PAN3: variants seen among roughly 807,000 people sequenced by gnomAD.
The protein encoded by PAN3 is PAN2-PAN3 deadenylation complex subunit PAN3.
Under a neutral mutation model 96.2 loss-of-function variants are expected in PAN3, and 19 were observed. The observed-to-expected ratio is 0.20, with a 90% CI of 0.14 to 0.29. PAN3 has a LOEUF of 0.29. PAN3 is among the 10% of genes least tolerant of loss of function. The probability of loss-of-function intolerance (pLI) is 1.00; values close to 1 mark genes in which losing one functional copy is unlikely to be tolerated. For missense variants in PAN3, 882 were observed against 1,108.1 expected, an observed-to-expected ratio of 0.80 and a Z score of 2.90; for synonymous variants, 433 against 406.6, an observed-to-expected ratio of 1.06 and a Z score of -0.78.
intron 4 of PAN3, among the ~76,000 whole-genome samples, chr13:28,191,501 G>T (rs866614934): frequency 6.6e-6 from 1 of 152,140 alleles, no homozygotes; most frequent in African/African-American, 2.4e-5. Context: ...GGATAGAGAT[G>T]CTGCTAAACA....
intron 6 of PAN3, among the ~76,000 whole-genome samples, chr13:28,248,206 T>G (rs950600342): frequency 1.6e-4 from 25 of 152,202 alleles, no homozygotes; most frequent in African/African-American, 5.8e-4. Flanking sequence ...TTTCTTGATT[T>G]CTTCTTCAGG....
intron 6 of PAN3, among the ~76,000 whole-genome samples, chr13:28,246,163 T>A (rs1156884827): frequency 2.0e-5 from 3 of 152,064 alleles, no homozygotes; most frequent in African/African-American, 7.2e-5. Context: ...TTTTGAGGAG[T>A]TTTCCATGTG....
At position 28,281,399 on chromosome 13, in the gene PAN3, T is replaced by C; in HGVS notation, c.2384+20T>C. 3.2e-6 allele frequency: 5 copies of C among 1,583,114 alleles called. No homozygotes were observed. The highest frequency in any genetic ancestry group is 4.3e-6 in the Non-Finnish European group (5 of 1,154,288). Reference sequence around the variant, plus strand: ...GCCGGAGTAAGGATTTACAGTATTTTACAATATATTTTTAATCGAGAGCAC... The same window carrying C: ...GCCGGAGTAAGGATTTACAGTATTTCACAATATATTTTTAATCGAGAGCAC... On this transcript the variant is annotated intron_variant, in intron 17 of 18. Coordinates refer to ENST00000380958, the MANE Select transcript of PAN3 (RefSeq NM_175854.8).
chr13:28,256,916 C>T (rs1371416297), intron 7 of PAN3, among the ~76,000 whole-genome samples: 2 of 152,156 alleles, frequency 1.3e-5, no homozygotes, highest in Non-Finnish European at 2.9e-5. Flanking sequence ...ATGGTATGTC[C>T]TCAGTAGTTA....
Position 28,139,514 on chromosome 13 carries a change from TTGTGTGTGTGTG to T in PAN3, c.430+453_430+464del, listed in dbSNP as rs10577740. On this transcript the variant is annotated intron_variant, in intron 1 of 18. Transcript: ENST00000380958. ...GGTTCCCTAGTGGGGAGGGGTGTGT[TTGTGTGTGTGTG>T]TGTGTGTGTGTGTGTGTGTGTGTGT... 3.7e-4 allele frequency among the ~76,000 whole-genome samples: 34 copies of T among 93,100 alleles called. 1 individual carries two copies. The highest frequency in any genetic ancestry group is 2.1e-3 in the South Asian group (5 of 2,436). The allele number at this position is 93,100 out of a possible 152,430, so 61.1% of individuals were successfully genotyped here. A position where few individuals can be genotyped will look rare whatever the true frequency, so the allele number is the denominator to read the frequency against.
chr13:28,269,641 C>A (rs1308688522), intron 12 of PAN3, among the ~76,000 whole-genome samples: 1 of 152,100 alleles, frequency 6.6e-6, no homozygotes, highest in Non-Finnish European at 1.5e-5. Flanking sequence ...TTCCTTATTA[C>A]TACATTAATT....
intron 1 of PAN3, among the ~76,000 whole-genome samples, chr13:28,157,020 G>C (rs1363314911): frequency 4.3e-5 from 4 of 92,440 alleles, no homozygotes; most frequent in African/African-American, 4.5e-5. Context: ...AAAAAAAAAA[G>C]CTAAATCACC....
intron 5 of PAN3, chr13:28,215,047 T>C: frequency 9.0e-7 from 1 of 1,107,512 alleles, no homozygotes; most frequent in Non-Finnish European, 1.4e-6. Flanking sequence ...AGCACTTATA[T>C]TAATAAAATT....
intron 4 of PAN3, among the ~76,000 whole-genome samples, chr13:28,179,093 A>G (rs1227029755): frequency 6.6e-6 from 1 of 152,258 alleles, no homozygotes. Context: ...AATGCTTTTT[A>G]GCAACTAGAA....
At chr13:28,214,945 G>C (rs773516311) in intron 5 of PAN3, 1 of 1,368,168 alleles carries the variant, frequency 7.3e-7, no homozygotes, top group East Asian at 2.3e-5. Flanking sequence ...TACACACTGG[G>C]TGTGAAACAA....
chr13:28,190,118 A>AT (rs1877052084), intron 4 of PAN3, among the ~76,000 whole-genome samples: 1 of 151,908 alleles, frequency 6.6e-6, no homozygotes, highest in South Asian at 2.1e-4. Context: ...TAATTTTTGT[A>AT]TTTTTTGGTA....
intron 14 of PAN3, among the ~76,000 whole-genome samples, chr13:28,275,790 A>G (rs976329023): frequency 1.3e-5 from 2 of 152,140 alleles, no homozygotes; most frequent in Admixed American, 6.6e-5. Flanking sequence ...CTCTATCACC[A>G]GTGAAGTTTT....
intron 1 of PAN3, among the ~76,000 whole-genome samples, chr13:28,163,622 A>C (rs1487529124): frequency 4.6e-5 from 7 of 152,180 alleles, no homozygotes; most frequent in African/African-American, 1.7e-4. Context: ...GTGTAACTCC[A>C]AGTATTTTTT....
chr13:28,156,965 A>T (rs1872247740), intron 1 of PAN3, among the ~76,000 whole-genome samples: 1 of 144,982 alleles, frequency 6.9e-6, no homozygotes, highest in African/African-American at 2.6e-5. Flanking sequence ...ATGGTACTCC[A>T]ACCTGGGCAA....
At chr13:28,272,113 T>C (rs1314228555) in intron 14 of PAN3, 42 bp downstream of exon 14, 3 of 1,359,962 alleles carry the variant, frequency 2.2e-6, no homozygotes, top group Non-Finnish European at 3.1e-6. Context: ...TTTTCCTTTA[T>C]TAAAGACAAA....
At chr13:28,144,245 C>T (rs1278155495) in intron 1 of PAN3, among the ~76,000 whole-genome samples, 7 of 118,296 alleles carry the variant, frequency 5.9e-5, no homozygotes, top group African/African-American at 1.9e-4. Flanking sequence ...GATATGGAGT[C>T]TCGCTCTGTC....
Position 28,256,409 on chromosome 13 carries a change from C to T in PAN3, c.1118C>T (p.Ser373Phe). ...TPNPASYMVP[S>F]SASTSVNNPV... ...AATCCAGCAAGTTACATGGTGCCTT[C>T]TAGTGCCTCTACATCTGTTAATAAT... The change falls in exon 7 of 19, where the codon TCT becomes TTT. Residue 373 changes from serine to phenylalanine, a missense_variant. Physicochemically the swap from Ser to Phe is radical, Grantham distance 155 (BLOSUM62 -2). Coordinates refer to ENST00000380958, the MANE Select transcript of PAN3 (RefSeq NM_175854.8). The T allele has an allele frequency of 6.2e-7, 1 of 1,614,124 alleles. No individual in the cohort carries two copies. Among genetic ancestry groups the T allele is most frequent in the Non-Finnish European group, 8.5e-7 (1 of 1,179,976 alleles).
At chr13:28,205,577 C>T (rs542203786) in intron 5 of PAN3, among the ~76,000 whole-genome samples, 1 of 152,238 alleles carries the variant, frequency 6.6e-6, no homozygotes, top group African/African-American at 2.4e-5. Flanking sequence ...ATAACTCATT[C>T]TTGTAATCCC....
At chr13:28,277,671 A>G (rs1887172296) in intron 15 of PAN3, among the ~76,000 whole-genome samples, 1 of 152,238 alleles carries the variant, frequency 6.6e-6, no homozygotes, top group Non-Finnish European at 1.5e-5. Flanking sequence ...TTTAAAGCTT[A>G]CTTCTTCAAT....
Sources: allele counts gnomAD v4.1 joint callset (sites outside exome capture counted in the v4.1 genomes callset), GRCh38; gene constraint gnomAD v4.1.1; transcripts MANE v1.5; gene names NCBI Gene and HGNC (gene_info 2026-07-23, HGNC 2026-07-21).